Variants in ADGRG2 observed in about 807,000 individuals in gnomAD.
The protein encoded by ADGRG2 is adhesion G protein-coupled receptor G2, also known as G protein-coupled receptor 64.
ADGRG2 carries 26 observed loss-of-function variants against 74.1 expected under a neutral mutation model. The ratio of observed to expected loss-of-function variants is 0.35; its 90% CI spans 0.26 to 0.49. The LOEUF (loss-of-function observed/expected upper bound fraction) is 0.49. Ranked by LOEUF, ADGRG2 falls within the 20% of genes least tolerant of loss-of-function variation. ADGRG2 has a pLI of 0.99. For synonymous variants in ADGRG2, 296 were observed against 295.2 expected (o/e 1.00, Z -0.03); for missense variants, 619 against 763.1 (o/e 0.81, Z 2.22).
intron 1 of ADGRG2, among the ~76,000 whole-genome samples, chrX:19,088,634 C>G (rs981781250): frequency 7.6e-4 from 85 of 111,155 alleles, no homozygotes; most frequent in Non-Finnish European, 1.4e-3. Context: ...ACTACAGACA[C>G]ATGCCACCAC....
intron 22 of ADGRG2, 89 bp from the exon 23 acceptor site, chrX:19,004,968 A>G: frequency 2.8e-6 from 2 of 709,189 alleles, no homozygotes; most frequent in East Asian, 3.7e-5. Context: ...GGATCCATTC[A>G]TAGTCTATTC....
intron 2 of ADGRG2, among the ~76,000 whole-genome samples, chrX:19,081,543 A>G (rs2061846008): frequency 8.9e-6 from 1 of 111,824 alleles, no homozygotes; most frequent in South Asian, 3.8e-4. Context: ...CACCATGCCA[A>G]TTCCTGCTTC....
chrX:19,069,843 T>C (rs2061624950), intron 2 of ADGRG2, among the ~76,000 whole-genome samples: 1 of 112,458 alleles, frequency 8.9e-6, no homozygotes, highest in Non-Finnish European at 1.9e-5. Context: ...CAATTTGTTC[T>C]TACAACTTCA....
chrX:19,105,748 AC>A (rs1195257813), intron 1 of ADGRG2, among the ~76,000 whole-genome samples: 3 of 109,512 alleles, frequency 2.7e-5, no homozygotes, highest in African/African-American at 1.0e-4. Context: ...TTTTTTAAAT[AC>A]AAAAATTAGC....
chrX:19,108,518 A>T (rs1341917266), intron 1 of ADGRG2, among the ~76,000 whole-genome samples: 3 of 112,518 alleles, frequency 2.7e-5, no homozygotes, highest in African/African-American at 9.7e-5. Flanking sequence ...ACTGCTGGAA[A>T]CCAAACAAAG....
At chrX:19,000,973 G>T (rs1305673412) in intron 24 of ADGRG2, among the ~76,000 whole-genome samples, 1 of 110,850 alleles carries the variant, frequency 9.0e-6, no homozygotes. Context: ...GACCTCAGGT[G>T]ATCCGCCCAC....
intron 1 of ADGRG2, among the ~76,000 whole-genome samples, chrX:19,091,862 C>T (rs756719902): frequency 8.9e-5 from 10 of 112,346 alleles, no homozygotes; most frequent in Admixed American, 9.4e-5. Context: ...GAAGTAATTA[C>T]GGTATTCGAG....
chrX:19,112,870 A>C (rs751005761), intron 1 of ADGRG2, among the ~76,000 whole-genome samples: 267 of 105,705 alleles, frequency 2.5e-3, no homozygotes, highest in African/African-American at 8.9e-3. Flanking sequence ...AGGCAGAAGA[A>C]TTGCTTGAAC....
intron 1 of ADGRG2, among the ~76,000 whole-genome samples, chrX:19,117,202 G>A (rs774672112): frequency 2.7e-5 from 3 of 109,540 alleles, no homozygotes; most frequent in African/African-American, 1.0e-4. Flanking sequence ...GGCTGAGGCA[G>A]AGAACTGCTT....
intron 1 of ADGRG2, among the ~76,000 whole-genome samples, chrX:19,084,560 G>A (rs891813223): frequency 8.9e-6 from 1 of 112,124 alleles, no homozygotes; most frequent in Non-Finnish European, 1.9e-5. Context: ...TGGACTAAAT[G>A]TAGGATTAAC....
At chrX:19,088,495 GTTTA>G (rs1413062933) in intron 1 of ADGRG2, among the ~76,000 whole-genome samples, 1 of 111,534 alleles carries the variant, frequency 9.0e-6, no homozygotes, top group African/African-American at 3.3e-5. Flanking sequence ...TTTTTTGTTT[GTTTA>G]TTTGTTTTTT....
intron 2 of ADGRG2, among the ~76,000 whole-genome samples, chrX:19,072,434 A>G (rs1161275115): frequency 8.9e-6 from 1 of 111,969 alleles, no homozygotes; most frequent in Non-Finnish European, 1.9e-5. Flanking sequence ...TCAAAATGTT[A>G]TTATACAATT....
Position 19,005,856 on chromosome X carries a change from A to G in ADGRG2, c.1839+146T>C, listed in dbSNP as rs779305600. ...GCGTGAGCCACCATGCCCAGCAAAG[A>G]GCAATCTCATTGGTGTATAAATCAG... On this transcript the variant is annotated intron_variant, in intron 22 of 28. Coordinates refer to ENST00000379869, the MANE Select transcript of ADGRG2 (RefSeq NM_001079858.3). The G allele has an allele frequency of 1.1e-5, 5 of 456,379 alleles. No individual in the cohort carries two copies. The East Asian group carries it at 1.9e-4, about 17-fold the overall frequency. The allele number at this position is 456,379 out of a possible 1,213,427, so 37.6% of individuals were successfully genotyped here.
At chrX:19,012,802 C>T (rs1312439826) in intron 16 of ADGRG2, among the ~76,000 whole-genome samples, 2 of 110,748 alleles carry the variant, frequency 1.8e-5, no homozygotes, top group Non-Finnish European at 3.8e-5. Flanking sequence ...AAAAACTTGG[C>T]TTTGCCTCCC....
rs781231241 is a variant in ADGRG2, at chrX:18,990,829, G to A, written c.*35C>T. ...AAGGTAAAATTGGACATTTCACACT[G>A]TCAAGCATCATGCTTTGATTTTAGA... On this transcript the variant is annotated 3_prime_UTR_variant, in exon 29 of 29. Transcript: ENST00000379869. 1.6e-5 allele frequency: 17 copies of A among 1,068,111 alleles called. No homozygotes were observed. Among genetic ancestry groups the A allele is most frequent in the Non-Finnish European group, 2.0e-5 (16 of 783,107 alleles). 88.0% of individuals were successfully genotyped at this position (1,068,111 alleles called of 1,213,427 possible).
chrX:19,062,957 C>A (rs2061509041), intron 3 of ADGRG2, among the ~76,000 whole-genome samples: 1 of 108,844 alleles, frequency 9.2e-6, no homozygotes, highest in Admixed American at 9.8e-5. Flanking sequence ...GTCATCTGCC[C>A]CTCTGGAAAA....
chrX:19,021,113 G>T lies in ADGRG2; in HGVS notation c.634C>A (p.Arg212=). The T allele has an allele frequency of 9.7e-7, 1 of 1,030,950 alleles. No individual in the cohort carries two copies. The highest frequency in any genetic ancestry group is 1.4e-6 in the Non-Finnish European group (1 of 732,473). 85.0% of individuals were successfully genotyped at this position (1,030,950 alleles called of 1,213,427 possible). A position where few individuals can be genotyped will look rare whatever the true frequency, so the allele number is the denominator to read the frequency against. Residue 212 remains arginine (R), a synonymous_variant, in exon 14 of 29, where the codon CGA becomes AGA. Coordinates refer to ENST00000379869, the MANE Select transcript of ADGRG2 (RefSeq NM_001079858.3). ...VIAALERVKI[R]PMEHCCCSVR... Reference sequence around the variant, plus strand: ...ATAATAGACAACTTACCCATTGGTCGAATCTTTACTCTTTCCAAAGCAGCT... The same window carrying T: ...ATAATAGACAACTTACCCATTGGTCTAATCTTTACTCTTTCCAAAGCAGCT...
At chrX:19,096,179 G>T (rs1426947244) in intron 1 of ADGRG2, among the ~76,000 whole-genome samples, 1 of 111,291 alleles carries the variant, frequency 9.0e-6, no homozygotes, top group Admixed American at 9.6e-5. Flanking sequence ...GGGAGGCTGA[G>T]TCAGGCGGAT....
Position 19,117,765 on chromosome X carries a change from C to T in ADGRG2, c.-47+4677G>A, listed in dbSNP as rs1046608834. On this transcript the variant is annotated intron_variant, in intron 1 of 28. Transcript: ENST00000379869. ...CCAGGAGGCGGAGGTTGCAGTGAGCCGAGATTACTACCACTGCTCTCCAGC... is the reference window on the plus strand; with the variant it reads ...CCAGGAGGCGGAGGTTGCAGTGAGCTGAGATTACTACCACTGCTCTCCAGC... 9.9e-5 allele frequency among the ~76,000 whole-genome samples: 11 copies of T among 110,647 alleles called. No homozygotes were observed. The East Asian group carries it at 2.8e-3, about 28-fold the overall frequency.
Sources: gnomAD v4.1 joint callset for allele counts (sites outside exome capture counted in the v4.1 genomes callset) on GRCh38, gnomAD v4.1.1 for gene constraint, MANE v1.5 for transcripts, NCBI Gene and HGNC (gene_info 2026-07-23, HGNC 2026-07-21) for gene names.